GRIK4: variants seen among roughly 807,000 people sequenced by gnomAD.
GRIK4 encodes the protein glutamate ionotropic receptor kainate type subunit 4.
A neutral mutation model predicts 104.9 loss-of-function variants in GRIK4; 40 were observed. The observed-to-expected ratio is 0.38, with a 90% CI of 0.30 to 0.50. The LOEUF (loss-of-function observed/expected upper bound fraction) is 0.50. Among genes scored for constraint, GRIK4 ranks in the 20% least tolerant of loss-of-function variants. The pLI is 0.93. For synonymous variants in GRIK4, 485 were observed against 524.9 expected (o/e 0.92, Z 1.04); for missense variants, 1,047 against 1,308.1 (o/e 0.80, Z 3.08).
chr11:120,569,709 C>T (rs755197723), intron 1 of GRIK4, among the ~76,000 whole-genome samples: 4 of 152,134 alleles, frequency 2.6e-5, no homozygotes, highest in African/African-American at 4.8e-5. Flanking sequence ...AGAGGGACTC[C>T]ACAGTGGCAG....
At chr11:120,726,241 A>G (rs1434182524) in intron 3 of GRIK4, among the ~76,000 whole-genome samples, 1 of 152,192 alleles carries the variant, frequency 6.6e-6, no homozygotes, top group African/African-American at 2.4e-5. Context: ...AGGGTCTTGT[A>G]AGCCATAGTG....
intron 13 of GRIK4, among the ~76,000 whole-genome samples, chr11:120,935,468 C>T (rs562403887): frequency 2.2e-4 from 34 of 152,032 alleles, no homozygotes; most frequent in African/African-American, 7.5e-4. Context: ...GAGAATCACT[C>T]GAATGTGGGA....
chr11:120,744,399 A>T (rs1055434692), intron 3 of GRIK4, among the ~76,000 whole-genome samples: 1 of 152,066 alleles, frequency 6.6e-6, no homozygotes, highest in Non-Finnish European at 1.5e-5. Context: ...TGCTGTTCAT[A>T]TGTTATACTT....
chr11:120,740,539 G>C (rs553005070), intron 3 of GRIK4, among the ~76,000 whole-genome samples: 1 of 152,146 alleles, frequency 6.6e-6, no homozygotes, highest in African/African-American at 2.4e-5. Context: ...ACCCATATAG[G>C]GCCCCAGCTG....
chr11:120,880,559 G>T (rs1954940220), intron 11 of GRIK4, among the ~76,000 whole-genome samples: 1 of 152,210 alleles, frequency 6.6e-6, no homozygotes, highest in Non-Finnish European at 1.5e-5. Context: ...ACTATGCAGA[G>T]TTGTCCCAGC....
rs1381004135 is a variant in GRIK4 at position 120,517,502 on chromosome 11, C to T, written c.-159+5615C>T. Among the ~76,000 whole-genome samples, 3 of 148,714 alleles carry T rather than the reference C, an allele frequency of 2.0e-5. 1 individual carries two copies. Among genetic ancestry groups the T allele is most frequent in the Non-Finnish European group, 4.4e-5 (3 of 67,474 alleles). On this transcript the variant is annotated intron_variant, in intron 1 of 20. Transcript: ENST00000527524. The stretch of plus-strand genomic sequence containing the variant: ...GCAAACGGTGCCCCCGCCTGTGCAC[C>T]CCTGACTTCCGCCTAAAGTTGGAGA...
intron 3 of GRIK4, among the ~76,000 whole-genome samples, chr11:120,693,732 G>A (rs916288243): frequency 1.3e-5 from 2 of 152,150 alleles, no homozygotes; most frequent in African/African-American, 4.8e-5. Context: ...ATCAGGATTT[G>A]GCCATGGATT....
At position 120,819,315 on chromosome 11, in the gene GRIK4, T is replaced by G. The variant is rs7926615; in HGVS notation, c.346-440T>G. ...GGCTGGGCTGATGGGACTCTTCTCT[T>G]AGTCCCAGGGTAGCGATTTTTCTCT... On this transcript the variant is annotated intron_variant, in intron 5 of 20. Coordinates refer to ENST00000527524, the MANE Select transcript of GRIK4 (RefSeq NM_014619.5). The surrounding 1 kb of genome is among the most constrained non-coding windows in gnomAD (Gnocchi z 4.3). Among the ~76,000 whole-genome samples the G allele has an allele frequency of 8.3e-4, 127 of 152,316 alleles. No homozygotes were observed. Among genetic ancestry groups the G allele is most frequent in the African/African-American group, 2.9e-3 (122 of 41,564 alleles).
chr11:120,643,554 G>T (rs143896699), intron 1 of GRIK4, among the ~76,000 whole-genome samples: 2 of 152,368 alleles, frequency 1.3e-5, no homozygotes, highest in African/African-American at 4.8e-5. Context: ...CCTGTGACTT[G>T]TCTGAACAGT....
chr11:120,872,482 GTCTCACAAGGGTGC>G (rs986637190), intron 9 of GRIK4: 2 of 156,406 alleles, frequency 1.3e-5, no homozygotes, highest in African/African-American at 2.4e-5. Flanking sequence ...TGGAATGGTG[GTCTCACAAGGGTGC>G]TCTCACAAGG....
intron 3 of GRIK4, among the ~76,000 whole-genome samples, chr11:120,715,031 T>C (rs1950802585): frequency 6.6e-6 from 1 of 152,194 alleles, no homozygotes; most frequent in Non-Finnish European, 1.5e-5. Context: ...CTGAATTGCC[T>C]CTGGGCTTTG....
At chr11:120,633,696 T>G (rs1949359686) in intron 1 of GRIK4, among the ~76,000 whole-genome samples, 1 of 152,174 alleles carries the variant, frequency 6.6e-6, no homozygotes, top group African/African-American at 2.4e-5. Context: ...ATGGGCTGTG[T>G]TAGCATTAGA....
intron 13 of GRIK4, among the ~76,000 whole-genome samples, chr11:120,911,572 T>C (rs1351852110): frequency 7.1e-6 from 1 of 140,570 alleles, no homozygotes; most frequent in African/African-American, 2.5e-5. Context: ...CTGGGTACGG[T>C]GGCTCACGCC....
intron 3 of GRIK4, among the ~76,000 whole-genome samples, chr11:120,676,492 C>T (rs564183753): frequency 2.0e-5 from 3 of 152,318 alleles, no homozygotes; most frequent in African/African-American, 7.2e-5. Flanking sequence ...TGAGAGCTTT[C>T]GTACTGCATC....
At chr11:120,529,916 A>G (rs1253601371) in intron 1 of GRIK4, among the ~76,000 whole-genome samples, 2 of 152,238 alleles carry the variant, frequency 1.3e-5, no homozygotes, top group Non-Finnish European at 2.9e-5. Flanking sequence ...TTAAACTGGC[A>G]TGCCCCGAGT....
intron 3 of GRIK4, among the ~76,000 whole-genome samples, chr11:120,771,420 G>A (rs1951939975): frequency 6.6e-6 from 1 of 152,196 alleles, no homozygotes; most frequent in Non-Finnish European, 1.5e-5. Flanking sequence ...CAATGAAACT[G>A]GATATATGAC....
At chr11:120,770,447 T>C (rs1357353782) in intron 3 of GRIK4, among the ~76,000 whole-genome samples, 2 of 152,250 alleles carry the variant, frequency 1.3e-5, no homozygotes, top group African/African-American at 2.4e-5. Flanking sequence ...CCCATCACTG[T>C]ATCAGGCCCT....
chr11:120,621,438 AACCCC>A (rs1949188261), intron 1 of GRIK4, among the ~76,000 whole-genome samples: 1 of 152,212 alleles, frequency 6.6e-6, no homozygotes, highest in East Asian at 1.9e-4. Context: ...TTGTAACAGA[AACCCC>A]CTCCCAGCTC....
intron 1 of GRIK4, among the ~76,000 whole-genome samples, chr11:120,637,127 G>T (rs1240473285): frequency 6.6e-6 from 1 of 151,886 alleles, no homozygotes; most frequent in Non-Finnish European, 1.5e-5. Flanking sequence ...AGAAGAGGAG[G>T]GAAGGAGGTG....
Sources: gnomAD v4.1 joint callset for allele counts (sites outside exome capture counted in the v4.1 genomes callset) on GRCh38, gnomAD v4.1.1 for gene constraint, Gnocchi (gnomAD v3.1) non-coding constraint, MANE v1.5 for transcripts, NCBI Gene and HGNC (gene_info 2026-07-23, HGNC 2026-07-21) for gene names.